MACROD2: variants seen among roughly 807,000 people sequenced by gnomAD.
MACROD2 encodes the protein mono-ADP ribosylhydrolase 2, also known as ADP-ribose glycohydrolase MACROD2.
MACROD2 carries 36 observed loss-of-function variants against 70.4 expected under a neutral mutation model. The observed-to-expected ratio is 0.51, with a 90% CI of 0.39 to 0.68. The LOEUF (loss-of-function observed/expected upper bound fraction) is 0.68, where lower values mean the gene tolerates loss of function less well. MACROD2 is among the 30% of genes least tolerant of loss of function. The pLI is 0.00. For synonymous variants in MACROD2, 172 were observed against 178.8 expected, an observed-to-expected ratio of 0.96 and a Z score of 0.30; for missense variants, 496 against 538.4, an observed-to-expected ratio of 0.92 and a Z score of 0.78.
At chr20:15,323,201 T>C (rs1426859394) in intron 6 of MACROD2, among the ~76,000 whole-genome samples, 3 of 152,194 alleles carry the variant, frequency 2.0e-5, no homozygotes, top group African/African-American at 7.2e-5. Context: ...AGCCAAATTT[T>C]TTGGCAGCTG....
chr20:14,338,408 G>A (rs1013631880), intron 3 of MACROD2, among the ~76,000 whole-genome samples: 1 of 152,138 alleles, frequency 6.6e-6, no homozygotes, highest in African/African-American at 2.4e-5. Context: ...GATTCATTTA[G>A]TTATGGGAAG....
rs961788242 is a variant in MACROD2, at chr20:15,322,345, C to G, written c.540+92284C>G. On this transcript the variant is annotated intron_variant, in intron 6 of 17. Transcript: ENST00000684519. ...GGGTGGGACGGGGATATTTACCATGCACTCACTATGCTCCTCTGTAATGGA... is the reference window on the plus strand; with the variant it reads ...GGGTGGGACGGGGATATTTACCATGGACTCACTATGCTCCTCTGTAATGGA... 2.1e-5 allele frequency among the ~76,000 whole-genome samples: 3 copies of G among 143,548 alleles called. 1 individual carries two copies. The East Asian group carries it at 6.1e-4, about 29-fold the overall frequency. The allele number at this position is 143,548 out of a possible 152,430, so 94.2% of individuals were successfully genotyped here. A position where few individuals can be genotyped will look rare whatever the true frequency, so the allele number is the denominator to read the frequency against.
chr20:15,287,071 C>T (rs1353376593), intron 6 of MACROD2, among the ~76,000 whole-genome samples: 2 of 152,072 alleles, frequency 1.3e-5, no homozygotes, highest in South Asian at 2.1e-4. Flanking sequence ...TGAAGCAGTT[C>T]TCTTGTATCA....
At chr20:15,372,017 A>G (rs2045500872) in intron 6 of MACROD2, among the ~76,000 whole-genome samples, 1 of 152,170 alleles carries the variant, frequency 6.6e-6, no homozygotes, top group African/African-American at 2.4e-5. Context: ...ATCTTGTTTC[A>G]TCACATTTTA....
At chr20:15,825,258 G>A (rs374340585) in intron 8 of MACROD2, among the ~76,000 whole-genome samples, 1 of 152,156 alleles carries the variant, frequency 6.6e-6, no homozygotes, top group South Asian at 2.1e-4. Context: ...ACTTTAGGGG[G>A]ACTAGAAGCT....
chr20:14,024,594 A>C (rs752079593), intron 2 of MACROD2, among the ~76,000 whole-genome samples: 12 of 151,956 alleles, frequency 7.9e-5, no homozygotes, highest in Non-Finnish European at 1.6e-4. Flanking sequence ...TTTTAGCATG[A>C]AGTGGTGTTA....
intron 5 of MACROD2, among the ~76,000 whole-genome samples, chr20:14,702,159 T>A (rs1425412357): frequency 1.3e-5 from 2 of 152,140 alleles, no homozygotes; most frequent in Non-Finnish European, 2.9e-5. Flanking sequence ...AAGCTTTATT[T>A]TTTTTTACCT....
intron 3 of MACROD2, among the ~76,000 whole-genome samples, chr20:14,249,102 G>A (rs556744262): frequency 6.7e-6 from 1 of 148,666 alleles, no homozygotes; most frequent in African/African-American, 2.5e-5. Flanking sequence ...GTTCTTTTTA[G>A]GGTATTCTTT....
chr20:15,078,879 C>T (rs2075680729), intron 5 of MACROD2, among the ~76,000 whole-genome samples: 1 of 152,066 alleles, frequency 6.6e-6, no homozygotes, highest in Non-Finnish European at 1.5e-5. Context: ...CTCCTGACCT[C>T]AGGTGATCCA....
intron 7 of MACROD2, among the ~76,000 whole-genome samples, chr20:15,497,541 C>T (rs545095523): frequency 2.4e-4 from 36 of 152,252 alleles, no homozygotes; most frequent in African/African-American, 8.4e-4. Context: ...CCTCCCACCT[C>T]GGCCCTTCAA....
intron 15 of MACROD2, among the ~76,000 whole-genome samples, chr20:16,030,108 G>A (rs1300508763): frequency 6.6e-6 from 1 of 152,176 alleles, no homozygotes; most frequent in Admixed American, 6.5e-5. Context: ...CTTTCTCCTG[G>A]AAAGTTCTGA....
chr20:14,903,287 C>A (rs555445812), intron 5 of MACROD2, among the ~76,000 whole-genome samples: 1 of 151,964 alleles, frequency 6.6e-6, no homozygotes, highest in African/African-American at 2.4e-5. Flanking sequence ...ATGATCCATC[C>A]GCCTCGGCCT....
chr20:16,010,314 C>G (rs1438783390), intron 15 of MACROD2, among the ~76,000 whole-genome samples: 32 of 152,046 alleles, frequency 2.1e-4, no homozygotes, highest in Non-Finnish European at 1.5e-5. Context: ...CCCACAGGAC[C>G]AGCATCTTGT....
intron 4 of MACROD2, among the ~76,000 whole-genome samples, chr20:14,591,917 A>T (rs986185225): frequency 1.3e-5 from 2 of 152,222 alleles, no homozygotes; most frequent in African/African-American, 4.8e-5. Flanking sequence ...TTTAAGTGCT[A>T]CAGTACTTCC....
chr20:15,402,774 C>A (rs930459715), intron 6 of MACROD2, among the ~76,000 whole-genome samples: 2 of 152,170 alleles, frequency 1.3e-5, no homozygotes, highest in Non-Finnish European at 2.9e-5. Context: ...TTCCAAAGGG[C>A]ATAATTTGAT....
intron 5 of MACROD2, among the ~76,000 whole-genome samples, chr20:14,983,476 G>A (rs1489018395): frequency 3.3e-5 from 5 of 152,108 alleles, no homozygotes; most frequent in Non-Finnish European, 5.9e-5. Flanking sequence ...TGTTGTGGGA[G>A]GGACCTGGTG....
At chr20:14,419,651 G>A (rs1276968107) in intron 3 of MACROD2, among the ~76,000 whole-genome samples, 1 of 151,852 alleles carries the variant, frequency 6.6e-6, no homozygotes, top group African/African-American at 2.4e-5. Flanking sequence ...ATAAAATAAG[G>A]CATATTCTCT....
At chr20:15,971,334 T>C (rs2066227412) in intron 13 of MACROD2, among the ~76,000 whole-genome samples, 3 of 152,132 alleles carry the variant, frequency 2.0e-5, no homozygotes, top group Admixed American at 2.0e-4. Flanking sequence ...TAGGAGGTAA[T>C]TGAATCACAG....
At chr20:15,710,595 G>A (rs2423973) in intron 8 of MACROD2, among the ~76,000 whole-genome samples, 137,981 of 152,276 alleles carry the variant, frequency 0.91, 62,941 homozygotes, top group African/African-American at 0.95. Context: ...TGGGCATCAA[G>A]TGTTTATGGG....
Sources: allele counts gnomAD v4.1 joint callset (sites outside exome capture counted in the v4.1 genomes callset), GRCh38; gene constraint gnomAD v4.1.1; transcripts MANE v1.5; gene names NCBI Gene and HGNC (gene_info 2026-07-23, HGNC 2026-07-21).